Variants in PPP1R21 observed in about 807,000 individuals in gnomAD.
PPP1R21 encodes KLRAQ motif containing 1.
PPP1R21 carries 85 observed loss-of-function variants against 112.8 expected under a neutral mutation model. The ratio of observed to expected loss-of-function variants is 0.75; its 90% CI spans 0.63 to 0.90. The LOEUF (loss-of-function observed/expected upper bound fraction) is 0.90. Among genes scored for constraint, PPP1R21 ranks in the 40% least tolerant of loss-of-function variants. PPP1R21 has a pLI of 0.00. For synonymous variants in PPP1R21, 381 were observed against 322.3 expected (o/e 1.18, Z -1.95); for missense variants, 1,199 against 901.5 (o/e 1.33, Z -4.23).
In PPP1R21 at chr2:48,514,893, G is replaced by T; in HGVS notation, c.*149G>T. 1 of 683,240 alleles carries T rather than the reference G, an allele frequency of 1.5e-6. No homozygotes were observed. Among genetic ancestry groups the T allele is most frequent in the South Asian group, 1.9e-5 (1 of 51,298 alleles). The allele number at this position is 683,240 out of a possible 1,614,324, so 42.3% of individuals were successfully genotyped here. On this transcript the variant is annotated 3_prime_UTR_variant, in exon 22 of 22. Transcript: ENST00000294952. ...ACTAGTCAGTGTTGGAAACGGCCTTGAAATATTTAAAACATATTTGTAACC... is the reference window on the plus strand; with the variant it reads ...ACTAGTCAGTGTTGGAAACGGCCTTTAAATATTTAAAACATATTTGTAACC...
At position 48,440,774 on chromosome 2, in the gene PPP1R21, T is replaced by A; in HGVS notation, c.-180T>A. On this transcript the variant is annotated 5_prime_UTR_variant, in exon 1 of 22. Coordinates refer to ENST00000294952, the MANE Select transcript of PPP1R21 (RefSeq NM_001135629.3). ...GCTCCGCCCCCGGCCCCACTCCACC[T>A]TCCTCCCACCCCGGGAACCCGGAAG... is the stretch of plus-strand genomic sequence containing the variant. 2 of 610,024 alleles carry A rather than the reference T, an allele frequency of 3.3e-6. No homozygotes were observed. The highest frequency in any genetic ancestry group is 2.0e-5 in the South Asian group (1 of 50,812). 37.8% of individuals were successfully genotyped at this position (610,024 alleles called of 1,614,324 possible).
intron 2 of PPP1R21, among the ~76,000 whole-genome samples, chr2:48,451,520 T>C (rs4952913): frequency 0.98 from 148,730 of 152,302 alleles, 72,736 homozygotes; most frequent in Middle Eastern, 0.99. Context: ...TTTAGTTGAG[T>C]TATTTAATAG....
rs1343585862 is a variant in PPP1R21, at chr2:48,452,399, TC to T, written c.126+1327del. 4.7e-4 allele frequency among the ~76,000 whole-genome samples: 72 copies of T among 152,254 alleles called. 1 individual carries two copies. Among genetic ancestry groups the T allele is most frequent in the African/African-American group, 1.7e-3 (72 of 41,538 alleles). On this transcript the variant is annotated intron_variant, in intron 2 of 21. Transcript: ENST00000294952. ...CCGATGAGGTCAGATAACATTATCA[TC>T]CCCATTACAGAAACTGGAGTTTAGC...
intron 16 of PPP1R21, among the ~76,000 whole-genome samples, chr2:48,497,651 A>AT (rs1208738625): frequency 0.022 from 2,958 of 134,166 alleles, 95 homozygotes; most frequent in African/African-American, 0.07. Context: ...CTATAGTTCT[A>AT]TTTTTTTTTT....
intron 17 of PPP1R21, among the ~76,000 whole-genome samples, chr2:48,500,202 G>C (rs999514879): frequency 6.6e-6 from 1 of 152,120 alleles, no homozygotes; most frequent in Non-Finnish European, 1.5e-5. Flanking sequence ...GTATGGTAAT[G>C]ATATTATTAT....
chr2:48,464,517 A>G (rs1668114222), intron 7 of PPP1R21, among the ~76,000 whole-genome samples: 1 of 152,212 alleles, frequency 6.6e-6, no homozygotes, highest in African/African-American at 2.4e-5. Flanking sequence ...AGTGGCAGAC[A>G]GTGATAGATT....
At chr2:48,465,089 G>T in intron 8 of PPP1R21, 100 bp downstream of exon 8, 2 of 892,930 alleles carry the variant, frequency 2.2e-6, no homozygotes, top group South Asian at 1.6e-5. Flanking sequence ...AGTGCATTCA[G>T]TCATTGCATT....
At chr2:48,450,984 G>T (rs1337223111) in intron 1 of PPP1R21, 24 bp from the exon 2 acceptor site, 2 of 1,606,556 alleles carry the variant, frequency 1.2e-6, no homozygotes, top group South Asian at 1.1e-5. Context: ...ATTAGAAATT[G>T]ATTATTGCTT....
Position 48,498,558 on chromosome 2 carries a change from A to G in PPP1R21, c.1758A>G (p.Ala586=), listed in dbSNP as rs1486264837. The G allele has an allele frequency of 6.2e-7, 1 of 1,614,114 alleles. No homozygotes were observed. The change falls in exon 17 of 22, where the codon GCA becomes GCG. Residue 586 remains alanine, a synonymous_variant. Coordinates refer to ENST00000294952, the MANE Select transcript of PPP1R21 (RefSeq NM_001135629.3). ...AAAAAGAACATTGGATGTTGGAAGCACAATTAGCCAAAATCAAGCTAGAGA... is the reference window on the plus strand; with the variant it reads ...AAAAAGAACATTGGATGTTGGAAGCGCAATTAGCCAAAATCAAGCTAGAGA... The part of the protein sequence containing the change: ...EQEKEHWMLE[A]QLAKIKLEKE...
chr2:48,477,767 G>T (rs1431909468), intron 12 of PPP1R21, among the ~76,000 whole-genome samples: 1 of 151,812 alleles, frequency 6.6e-6, no homozygotes, highest in Middle Eastern at 3.4e-3. Context: ...AAAGAAGTCA[G>T]TTGGGATTCT....
At chr2:48,451,097 G>C in intron 2 of PPP1R21, 21 bp downstream of exon 2, 2 of 1,597,934 alleles carry the variant, frequency 1.3e-6, no homozygotes, top group South Asian at 1.1e-5. Flanking sequence ...GGATATTTGT[G>C]TTGTGAGGGT....
At chr2:48,498,409 G>T (rs772230650) in intron 16 of PPP1R21, 84 bp from the exon 17 acceptor site, 73 of 1,433,060 alleles carry the variant, frequency 5.1e-5, no homozygotes, top group Non-Finnish European at 6.5e-5. Flanking sequence ...GGTAGTTTTG[G>T]TTTACATTCT....
chr2:48,460,703 A>G (rs867762461), intron 6 of PPP1R21, among the ~76,000 whole-genome samples: 1 of 152,358 alleles, frequency 6.6e-6, no homozygotes, highest in Middle Eastern at 3.4e-3. Context: ...AGATGTGTAC[A>G]TAATTGAACC....
chr2:48,483,945 C>G (rs549732709), intron 13 of PPP1R21, among the ~76,000 whole-genome samples: 1 of 152,056 alleles, frequency 6.6e-6, no homozygotes, highest in South Asian at 2.1e-4. Flanking sequence ...GCTTCGGTCT[C>G]CCAAAGTGCT....
At chr2:48,486,902 C>T (rs553260855) in intron 14 of PPP1R21, 144 bp downstream of exon 14, 15 of 831,360 alleles carry the variant, frequency 1.8e-5, no homozygotes, top group African/African-American at 1.5e-4. Context: ...TCCTCTGCTT[C>T]CTACCCAGTA....
At chr2:48,475,761 C>G (rs1004701839) in intron 12 of PPP1R21, among the ~76,000 whole-genome samples, 1 of 151,896 alleles carries the variant, frequency 6.6e-6, no homozygotes, top group Non-Finnish European at 1.5e-5. Context: ...GCAGGAGAAT[C>G]GCGTGAGCCT....
At chr2:48,457,857 ACTC>A (rs1340243967) in intron 3 of PPP1R21, 4 of 349,990 alleles carry the variant, frequency 1.1e-5, no homozygotes, top group Admixed American at 7.8e-5. Context: ...CAGCAGAACT[ACTC>A]CTGAATTCAT....
chr2:48,476,280 CAG>C (rs1299840336), intron 12 of PPP1R21, among the ~76,000 whole-genome samples: 3 of 152,176 alleles, frequency 2.0e-5, no homozygotes, highest in Non-Finnish European at 4.4e-5. Context: ...TAGCATGTAT[CAG>C]TACTCAATTT....
At position 48,458,245 on chromosome 2, in the gene PPP1R21, T is replaced by C. The variant is rs752539207; in HGVS notation, c.375+18T>C. On this transcript the variant is annotated intron_variant, in intron 4 of 21. Coordinates refer to ENST00000294952, the MANE Select transcript of PPP1R21 (RefSeq NM_001135629.3). Reference sequence around the variant, plus strand: ...ATATACAAGTGAGAAAATCTGTTTTTCTATGTGAATTAAAAAATGGGTCTG... The same window carrying C: ...ATATACAAGTGAGAAAATCTGTTTTCCTATGTGAATTAAAAAATGGGTCTG... The C allele has an allele frequency of 4.2e-5, 64 of 1,540,098 alleles. No individual in the cohort carries two copies. Among genetic ancestry groups the C allele is most frequent in the Non-Finnish European group, 5.3e-5 (59 of 1,115,396 alleles).
Sources: gnomAD v4.1 joint callset for allele counts (sites outside exome capture counted in the v4.1 genomes callset) on GRCh38, gnomAD v4.1.1 for gene constraint, MANE v1.5 for transcripts, NCBI Gene and HGNC (gene_info 2026-07-23, HGNC 2026-07-21) for gene names.